The following COG5 variants were observed in gnomAD, a reference collection of about 807,000 sequenced individuals.
COG5 encodes component of oligomeric golgi complex 5.
COG5 carries 86 observed loss-of-function variants against 110.4 expected under a neutral mutation model. The ratio of observed to expected loss-of-function variants is 0.78; its 90% confidence interval spans 0.65 to 0.93. COG5 has a LOEUF of 0.93. Ranked by LOEUF, COG5 falls within the 40% of genes least tolerant of loss-of-function variation. The pLI is 0.00. For missense variants in COG5, 1,077 were observed against 987.0 expected, an observed-to-expected ratio of 1.09 and a Z score of -1.22; for synonymous variants, 360 against 334.6, an observed-to-expected ratio of 1.08 and a Z score of -0.83.
chr7:107,255,292 T>C (rs992061714), intron 16 of COG5, among the ~76,000 whole-genome samples: 2 of 152,104 alleles, frequency 1.3e-5, no homozygotes, highest in Non-Finnish European at 2.9e-5. Flanking sequence ...TGGAAAAATA[T>C]TTTAAAGCAC....
rs573273065 is a variant in COG5 at position 107,280,620 on chromosome 7, AT to A, written c.1575+679del. Among the ~76,000 whole-genome samples the A allele has an allele frequency of 1.2e-3, 176 of 152,124 alleles. 1 individual carries two copies. The highest frequency in any genetic ancestry group is 3.9e-3 in the African/African-American group (163 of 41,530). ...GTATATCAATAATGGTAAAAAAAAA[AT>A]ATTGAAGTCTCATTTTGTTTGGATT... On this transcript the variant is annotated intron_variant, in intron 14 of 21. Coordinates refer to ENST00000297135, the MANE Select transcript of COG5 (RefSeq NM_006348.5).
intron 8 of COG5, among the ~76,000 whole-genome samples, chr7:107,363,641 C>A (rs1050696144): frequency 5.9e-5 from 9 of 151,996 alleles, no homozygotes; most frequent in Non-Finnish European, 1.2e-4. Flanking sequence ...CAAAGAGTAT[C>A]GATGGATACC....
chr7:107,349,939 C>T (rs1439927726), intron 10 of COG5, among the ~76,000 whole-genome samples: 1 of 152,084 alleles, frequency 6.6e-6, no homozygotes, highest in African/African-American at 2.4e-5. Context: ...TGACCCAACC[C>T]GCCTCGGACT....
chr7:107,310,334 C>A (rs1473944309), intron 11 of COG5, among the ~76,000 whole-genome samples: 2 of 152,164 alleles, frequency 1.3e-5, no homozygotes, highest in Non-Finnish European at 2.9e-5. Flanking sequence ...AGCTCATAAA[C>A]TTTATAAAGA....
intron 7 of COG5, among the ~76,000 whole-genome samples, chr7:107,381,881 C>T (rs10261001): frequency 3.9e-5 from 6 of 151,986 alleles, no homozygotes; most frequent in Non-Finnish European, 7.4e-5. Context: ...AGGTATACCC[C>T]CCGTGATCAA....
intron 11 of COG5, among the ~76,000 whole-genome samples, chr7:107,315,300 A>G (rs561693421): frequency 6.6e-6 from 1 of 152,238 alleles, no homozygotes; most frequent in Admixed American, 6.5e-5. Flanking sequence ...CAAGCCTTAA[A>G]ACTTTTAAAA....
In COG5 at chr7:107,212,264, A is replaced by G. The variant is rs911536838; in HGVS notation, c.2169-1039T>C. 5.9e-5 allele frequency among the ~76,000 whole-genome samples: 9 copies of G among 152,176 alleles called. No individual in the cohort carries two copies. The South Asian group carries it at 1.0e-3, about 18-fold the overall frequency. On this transcript the variant is annotated intron_variant, in intron 19 of 21. Transcript: ENST00000297135. Reference sequence around the variant, plus strand: ...ATGTTGTAATTTATTTTCCCTAGCTACTGGGGAAGCATTTCAGTCATTTAT... The same window carrying G: ...ATGTTGTAATTTATTTTCCCTAGCTGCTGGGGAAGCATTTCAGTCATTTAT...
intron 6 of COG5, among the ~76,000 whole-genome samples, chr7:107,426,202 C>T (rs371273516): frequency 6.6e-6 from 1 of 152,164 alleles, no homozygotes; most frequent in African/African-American, 2.4e-5. Flanking sequence ...AGCTCGAGCA[C>T]TACAGACCCT....
At chr7:107,249,463 G>C (rs1802313152) in intron 16 of COG5, among the ~76,000 whole-genome samples, 2 of 152,090 alleles carry the variant, frequency 1.3e-5, no homozygotes. Flanking sequence ...CTAGGTCTTA[G>C]TTATGGGCTT....
rs1798398769 is a variant in COG5 at position 107,202,435 on chromosome 7, C to T, written c.*1081G>A. 2 of 152,698 alleles carry T rather than the reference C, an allele frequency of 1.3e-5. No homozygotes were observed. The highest frequency in any genetic ancestry group is 6.8e-3 in the Middle Eastern group (2 of 294). 9.5% of individuals were successfully genotyped at this position (152,698 alleles called of 1,614,324 possible). A position where few individuals can be genotyped will look rare whatever the true frequency, so the allele number is the denominator to read the frequency against. Reference sequence around the variant, plus strand: ...CACAGCTGTAAAATTGATTTCAGTTCATCACACTTCTTCATGATGTTGCCC... The same window carrying T: ...CACAGCTGTAAAATTGATTTCAGTTTATCACACTTCTTCATGATGTTGCCC... On this transcript the variant is annotated 3_prime_UTR_variant, in exon 22 of 22. Coordinates refer to ENST00000297135, the MANE Select transcript of COG5 (RefSeq NM_006348.5).
rs2520270 is a variant in COG5, at chr7:107,554,466, C to A, written c.235-124G>T. The A allele has an allele frequency of 0.5, 415,091 of 827,120 alleles. 110,115 individuals are homozygous for A. Among genetic ancestry groups the A allele is most frequent in the African/African-American group, 0.85 (50,225 of 59,180 alleles). The allele number at this position is 827,120 out of a possible 1,614,324, so 51.2% of individuals were successfully genotyped here. ...GCAAATACAAATACAAAAGAAAAAA[C>A]CACAGGTTTTTAAGGTGTGTCTGAG... On this transcript the variant is annotated intron_variant, in intron 2 of 21. Transcript: ENST00000297135.
chr7:107,269,762 T>C (rs1302938134), intron 14 of COG5, among the ~76,000 whole-genome samples: 3 of 152,220 alleles, frequency 2.0e-5, no homozygotes, highest in African/African-American at 7.2e-5. Flanking sequence ...CCTTCCTTTT[T>C]GCATTAGATT....
rs548777157 is a variant in COG5, at chr7:107,410,688, C to T, written c.669+1814G>A. On this transcript the variant is annotated intron_variant, in intron 7 of 21. Coordinates refer to ENST00000297135, the MANE Select transcript of COG5 (RefSeq NM_006348.5). ...AAATCCCAACCTTAGGTGATCTGCC[C>T]GCCTTGGCCTCCCAAAGTGCTGGGA... is the stretch of plus-strand genomic sequence containing the variant. 8.2e-4 allele frequency among the ~76,000 whole-genome samples: 124 copies of T among 152,112 alleles called. 1 individual carries two copies. The highest frequency in any genetic ancestry group is 2.8e-3 in the African/African-American group (116 of 41,494).
intron 11 of COG5, among the ~76,000 whole-genome samples, chr7:107,303,745 G>A (rs1401089418): frequency 2.0e-5 from 3 of 152,038 alleles, no homozygotes; most frequent in African/African-American, 7.2e-5. Context: ...CCAGCCAAAG[G>A]TAAGTTCTAC....
chr7:107,313,344 T>A (rs1808445756), intron 11 of COG5, among the ~76,000 whole-genome samples: 1 of 152,090 alleles, frequency 6.6e-6, no homozygotes, highest in Non-Finnish European at 1.5e-5. Context: ...TATACACAAC[T>A]GGAATGCCAG....
chr7:107,482,603 T>G (rs1797418347), intron 6 of COG5, among the ~76,000 whole-genome samples: 1 of 122,664 alleles, frequency 8.2e-6, no homozygotes, highest in Non-Finnish European at 1.9e-5. Context: ...ACTGCCTTCT[T>G]GAAAAAAAAC....
intron 12 of COG5, among the ~76,000 whole-genome samples, chr7:107,285,679 T>A (rs1805570071): frequency 6.6e-6 from 1 of 151,754 alleles, no homozygotes; most frequent in Non-Finnish European, 1.5e-5. Flanking sequence ...GGTGCAGAAA[T>A]ATAGTAGAGA....
chr7:107,249,989 A>G (rs1261523561), intron 16 of COG5, among the ~76,000 whole-genome samples: 1 of 152,132 alleles, frequency 6.6e-6, no homozygotes, highest in Non-Finnish European at 1.5e-5. Context: ...CAGAGGCAGC[A>G]AGAGGTGTAC....
chr7:107,418,867 G>A lies in COG5; in HGVS notation c.539-6235C>T, dbSNP rs538199003. 6.6e-5 allele frequency among the ~76,000 whole-genome samples: 10 copies of A among 151,866 alleles called. No individual in the cohort carries two copies. The South Asian group carries it at 1.0e-3, about 16-fold the overall frequency. On this transcript the variant is annotated intron_variant, in intron 6 of 21. Coordinates refer to ENST00000297135, the MANE Select transcript of COG5 (RefSeq NM_006348.5). The stretch of plus-strand genomic sequence containing the variant: ...ACAGCTCACTGCAACCTCCGCCTCC[G>A]GGGTTCAAGCGATTCTGCTGCCTCA...
Sources: gnomAD v4.1 joint callset for allele counts (sites outside exome capture counted in the v4.1 genomes callset) on GRCh38, gnomAD v4.1.1 for gene constraint, MANE v1.5 for transcripts, NCBI Gene and HGNC (gene_info 2026-07-23, HGNC 2026-07-21) for gene names.